The following RFX2 variants were observed in gnomAD, a reference collection of about 807,000 sequenced individuals.
RFX2 encodes DNA-binding protein RFX2.
Under a neutral mutation model 87.8 loss-of-function variants are expected in RFX2, and 20 were observed. The ratio of observed to expected loss-of-function variants is 0.23; its 90% CI spans 0.16 to 0.33. The LOEUF is 0.33. RFX2 is among the 10% of genes least tolerant of loss of function. The probability of loss-of-function intolerance (pLI) is 1.00; values close to 1 mark genes in which losing one functional copy is unlikely to be tolerated. For missense variants in RFX2, 767 were observed against 1,012.3 expected, an observed-to-expected ratio of 0.76 and a Z score of 3.29; for synonymous variants, 397 against 431.3, an observed-to-expected ratio of 0.92 and a Z score of 0.98.
At position 6,022,156 on chromosome 19, in the gene RFX2, A is replaced by AGGCGCAG. The variant is rs2086822323; in HGVS notation, c.597+4006_597+4007insCTGCGCC. On this transcript the variant is annotated intron_variant, in intron 6 of 17. Transcript: ENST00000303657. The surrounding 1 kb of genome is among the most constrained non-coding windows in gnomAD (Gnocchi z 6.2). ...GTTGTGGGAGGCGCAGGGGTTGTTG[A>AGGCGCAG]GGGTGGAGGCCACGCACTGAGCTAA... 6.6e-6 allele frequency among the ~76,000 whole-genome samples: 1 copy of AGGCGCAG among 151,966 alleles called. No individual in the cohort carries two copies. The highest frequency in any genetic ancestry group is 2.4e-5 in the African/African-American group (1 of 41,342).
At chr19:6,092,509 G>T (rs1049115656) in intron 1 of RFX2, among the ~76,000 whole-genome samples, 1 of 152,204 alleles carries the variant, frequency 6.6e-6, no homozygotes, top group Non-Finnish European at 1.5e-5. Context: ...TCAGAGGGGC[G>T]GGGCAGGCCG....
In RFX2 at chr19:6,026,265, CA is replaced by C. The variant is rs758586569; in HGVS notation, c.523-29del. On this transcript the variant is annotated intron_variant, in intron 5 of 17. Transcript: ENST00000303657. This position sits in a 1 kb window ranked among gnomAD's most constrained non-coding sequence, Gnocchi z 4.5. The stretch of plus-strand genomic sequence containing the variant: ...AAAGAAAATGTGTGCAGAAACAAAA[CA>C]AAACAAAATGGAAAAAAAAAAAAAG... 6.8e-7 allele frequency: 1 copy of C among 1,473,566 alleles called. No homozygotes were observed. Among genetic ancestry groups the C allele is most frequent in the Non-Finnish European group, 9.2e-7 (1 of 1,088,212 alleles). The allele number at this position is 1,473,566 out of a possible 1,614,324, so 91.3% of individuals were successfully genotyped here. A position where few individuals can be genotyped will look rare whatever the true frequency, so the allele number is the denominator to read the frequency against.
Position 6,047,740 on chromosome 19 carries a change from C to G in RFX2, c.-8-236G>C, listed in dbSNP as rs974736749. Among the ~76,000 whole-genome samples the G allele has an allele frequency of 6.6e-6, 1 of 152,206 alleles. No homozygotes were observed. The highest frequency in any genetic ancestry group is 1.5e-5 in the Non-Finnish European group (1 of 68,036). On this transcript the variant is annotated intron_variant, in intron 1 of 17. Transcript: ENST00000303657. The surrounding 1 kb of genome is among the most constrained non-coding windows in gnomAD (Gnocchi z 4.2). ...TTCCAAATATAAAACCCAAAAAGGG[C>G]TCTGTCAGCGCACAATGGCAGGAAT...
intron 1 of RFX2, among the ~76,000 whole-genome samples, chr19:6,090,202 A>C (rs1443094894): frequency 1.3e-5 from 2 of 151,994 alleles, no homozygotes; most frequent in African/African-American, 4.8e-5. Flanking sequence ...TACTGAGCTC[A>C]AGTGATCTTC....
At position 6,010,101 on chromosome 19, in the gene RFX2, G is replaced by A; in HGVS notation, c.1015+35C>T. On this transcript the variant is annotated intron_variant, in intron 9 of 17. Transcript: ENST00000303657. This position sits in a 1 kb window ranked among gnomAD's most constrained non-coding sequence, Gnocchi z 5.0. The stretch of plus-strand genomic sequence containing the variant: ...AACCCAGGAGTGTGGCGAGCAGATG[G>A]GAGCCCCGCCCCCGGGCCTGACCGG... 1 of 1,370,342 alleles carries A rather than the reference G, an allele frequency of 7.3e-7. No individual in the cohort carries two copies. 84.9% of individuals were successfully genotyped at this position (1,370,342 alleles called of 1,614,324 possible).
intron 6 of RFX2, among the ~76,000 whole-genome samples, chr19:6,019,367 G>A (rs774144568): frequency 3.3e-5 from 5 of 152,006 alleles, no homozygotes; most frequent in Non-Finnish European, 7.4e-5. Context: ...ATACAATGGA[G>A]GCAGTGTTGC....
chr19:6,005,512 T>A (rs142600767), intron 12 of RFX2, among the ~76,000 whole-genome samples: 1 of 152,274 alleles, frequency 6.6e-6, no homozygotes, highest in Non-Finnish European at 1.5e-5. Context: ...GAGGGCTCCC[T>A]CGTGGTGGGT....
intron 1 of RFX2, among the ~76,000 whole-genome samples, chr19:6,090,010 G>A (rs1019286936): frequency 5.3e-5 from 8 of 152,122 alleles, no homozygotes; most frequent in African/African-American, 1.4e-4. Flanking sequence ...CACTCAGGCT[G>A]GAGTACAGTG....
At chr19:6,015,085 G>A (rs1469091299) in intron 7 of RFX2, among the ~76,000 whole-genome samples, 10 of 152,134 alleles carry the variant, frequency 6.6e-5, no homozygotes, top group Admixed American at 6.5e-4. Flanking sequence ...ATGTCCCGGG[G>A]CTGCCATAGG....
intron 16 of RFX2, 105 bp from the exon 17 acceptor site, chr19:5,995,748 T>A (rs1423147374): frequency 4.0e-6 from 4 of 988,702 alleles, no homozygotes; most frequent in African/African-American, 3.2e-5. Context: ...ACGTCCTCCA[T>A]TCACAGTGAA....
At chr19:6,105,118 CAAA>C (rs1261973557) in intron 1 of RFX2, among the ~76,000 whole-genome samples, 7 of 62,250 alleles carry the variant, frequency 1.1e-4, no homozygotes, top group Admixed American at 1.9e-4. Context: ...CTCCGTCTCA[CAAA>C]AAAAAAAAAA....
rs1351290073 is a variant in RFX2 at position 5,999,772 on chromosome 19, A to G, written c.1859+2043T>C. Among the ~76,000 whole-genome samples the G allele has an allele frequency of 1.3e-5, 2 of 152,028 alleles. No individual in the cohort carries two copies. On this transcript the variant is annotated intron_variant, in intron 15 of 17. Transcript: ENST00000303657. The surrounding 1 kb of genome is among the most constrained non-coding windows in gnomAD (Gnocchi z 4.1). The stretch of plus-strand genomic sequence containing the variant: ...CAGGGCATGGGGCATGCAAAGTGGG[A>G]AAGAATGGGCCGTCTTATTTACAGA...
At chr19:6,069,933 G>A (rs2087571019) in intron 1 of RFX2, among the ~76,000 whole-genome samples, 1 of 152,070 alleles carries the variant, frequency 6.6e-6, no homozygotes, top group Non-Finnish European at 1.5e-5. Context: ...GACCTACCAG[G>A]AGGGAACTGG....
chr19:6,057,916 A>G (rs1458024187), intron 1 of RFX2, among the ~76,000 whole-genome samples: 3 of 152,124 alleles, frequency 2.0e-5, no homozygotes, highest in African/African-American at 7.2e-5. Context: ...GCGTGTTTTA[A>G]GATTCTGTCC....
intron 3 of RFX2, 136 bp from the exon 4 acceptor site, chr19:6,042,259 CA>C: frequency 1.3e-6 from 1 of 753,628 alleles, no homozygotes. Flanking sequence ...CCACAGTCGG[CA>C]CGCCTAGAAA....
At chr19:6,075,329 G>A (rs572541261) in intron 1 of RFX2, among the ~76,000 whole-genome samples, 2 of 152,274 alleles carry the variant, frequency 1.3e-5, no homozygotes, top group African/African-American at 4.8e-5. Context: ...GGAGGCCACA[G>A]TGGAGTGTTT....
At position 6,045,746 on chromosome 19, in the gene RFX2, A is replaced by C. The variant is rs1599879910; in HGVS notation, c.91-1464T>G. Among the ~76,000 whole-genome samples, 1 of 151,982 alleles carries C rather than the reference A, an allele frequency of 6.6e-6. No homozygotes were observed. Among genetic ancestry groups the C allele is most frequent in the Admixed American group, 6.5e-5 (1 of 15,274 alleles). On this transcript the variant is annotated intron_variant, in intron 2 of 17. Transcript: ENST00000303657. This position sits in a 1 kb window ranked among gnomAD's most constrained non-coding sequence, Gnocchi z 5.2. ...AAGTGCGATGGCACGATCTCGGCTCACTATAACCTCTGCCTCCTGGGTTCA... is the reference window on the plus strand; with the variant it reads ...AAGTGCGATGGCACGATCTCGGCTCCCTATAACCTCTGCCTCCTGGGTTCA...
chr19:6,094,167 C>T (rs2087987638), intron 1 of RFX2, among the ~76,000 whole-genome samples: 1 of 152,036 alleles, frequency 6.6e-6, no homozygotes, highest in Non-Finnish European at 1.5e-5. Flanking sequence ...TGAAACCATC[C>T]ACACCAAACT....
At chr19:6,072,883 A>G in intron 1 of RFX2, 1 of 1,219,324 alleles carries the variant, frequency 8.2e-7, no homozygotes, top group East Asian at 2.4e-5. Flanking sequence ...CAAGGAGTTC[A>G]TCTGGCACCA....
Sources: allele counts gnomAD v4.1 joint callset (sites outside exome capture counted in the v4.1 genomes callset), GRCh38; gene constraint gnomAD v4.1.1; non-coding constraint Gnocchi (gnomAD v3.1); transcripts MANE v1.5; gene names NCBI Gene and HGNC (gene_info 2026-07-23, HGNC 2026-07-21).